MECOM: variants seen among roughly 807,000 people sequenced by gnomAD.
The protein encoded by MECOM is histone-lysine N-methyltransferase MECOM.
Under a neutral mutation model 116.3 loss-of-function variants are expected in MECOM, and 13 were observed. The observed-to-expected ratio is 0.11, with a 90% CI of 0.07 to 0.18. The LOEUF (loss-of-function observed/expected upper bound fraction) is 0.18, where lower values mean the gene tolerates loss of function less well. Among genes scored for constraint, MECOM ranks in the 10% least tolerant of loss-of-function variants. The pLI, the probability that MECOM is intolerant of heterozygous loss-of-function variation, is 1.00. For missense variants in MECOM, 1,299 were observed against 1,509.0 expected (o/e 0.86, Z 2.31); for synonymous variants, 528 against 535.2 (o/e 0.99, Z 0.19).
chr3:169,150,640 G>GA (rs1741033165), intron 2 of MECOM, among the ~76,000 whole-genome samples: 1 of 151,904 alleles, frequency 6.6e-6, no homozygotes, highest in East Asian at 1.9e-4. Flanking sequence ...TTCGGGGAAA[G>GA]AAAAAAATGG....
At position 169,084,881 on chromosome 3, in the gene MECOM, G is replaced by A. The variant is rs747215205; in HGVS notation, c.*28C>T. 1 of 1,613,554 alleles carries A rather than the reference G, an allele frequency of 6.2e-7. No homozygotes were observed. Among genetic ancestry groups the A allele is most frequent in the Non-Finnish European group, 8.5e-7 (1 of 1,179,716 alleles). Reference sequence around the variant, plus strand: ...AAAGAGCCATGCTACTGTTGGACTTGGTCCCACTCTGGTCAACCTTGATAA... The same window carrying A: ...AAAGAGCCATGCTACTGTTGGACTTAGTCCCACTCTGGTCAACCTTGATAA... On this transcript the variant is annotated 3_prime_UTR_variant, in exon 17 of 17. Transcript: ENST00000651503.
intron 2 of MECOM, among the ~76,000 whole-genome samples, chr3:169,350,737 T>A (rs765911250): frequency 6.6e-6 from 1 of 151,922 alleles, no homozygotes; most frequent in East Asian, 1.9e-4. Flanking sequence ...CAATTACTTA[T>A]GTGACTCATG....
intron 1 of MECOM, among the ~76,000 whole-genome samples, chr3:169,599,791 GTTGA>G (rs1767608331): frequency 6.6e-6 from 1 of 152,142 alleles, no homozygotes; most frequent in African/African-American, 2.4e-5. Context: ...TGATAAATAT[GTTGA>G]TTAATTCCCT....
chr3:169,509,348 T>C (rs1283801089), intron 1 of MECOM, among the ~76,000 whole-genome samples: 1 of 152,202 alleles, frequency 6.6e-6, no homozygotes, highest in Admixed American at 6.5e-5. Context: ...GTAAAACATA[T>C]ATAAGATAAA....
At chr3:169,366,046 C>A (rs941206639) in intron 2 of MECOM, among the ~76,000 whole-genome samples, 3 of 152,124 alleles carry the variant, frequency 2.0e-5, no homozygotes, top group Admixed American at 1.3e-4. Flanking sequence ...AGACTGACAG[C>A]AATTGCGTTC....
At chr3:169,149,754 A>G in intron 2 of MECOM, 1 of 448,094 alleles carries the variant, frequency 2.2e-6, no homozygotes, top group Non-Finnish European at 4.5e-6. Flanking sequence ...TGGAAGATGT[A>G]CCTAGAAGAA....
intron 1 of MECOM, among the ~76,000 whole-genome samples, chr3:169,431,991 G>A (rs1390098374): frequency 6.6e-6 from 1 of 151,140 alleles, no homozygotes; most frequent in East Asian, 1.9e-4. Flanking sequence ...TTGGGGTGAG[G>A]TTTTTCACCT....
intron 1 of MECOM, among the ~76,000 whole-genome samples, chr3:169,430,913 A>G (rs1741512941): frequency 6.6e-6 from 1 of 152,222 alleles, no homozygotes; most frequent in Admixed American, 6.5e-5. Context: ...CTATTTAGAC[A>G]TCCAAGCAAA....
intron 1 of MECOM, among the ~76,000 whole-genome samples, chr3:169,424,082 C>T (rs1740228588): frequency 6.6e-6 from 1 of 152,058 alleles, no homozygotes; most frequent in African/African-American, 2.4e-5. Flanking sequence ...TTAAAGTTTC[C>T]ATTAAGCCCA....
At chr3:169,628,048 G>C (rs1227039071) in intron 1 of MECOM, among the ~76,000 whole-genome samples, 1 of 152,106 alleles carries the variant, frequency 6.6e-6, no homozygotes, top group Non-Finnish European at 1.5e-5. Flanking sequence ...ACATACCAAA[G>C]AGCACCCCCA....
chr3:169,175,458 A>C (rs979534368), intron 2 of MECOM, among the ~76,000 whole-genome samples: 6 of 152,176 alleles, frequency 3.9e-5, no homozygotes, highest in Admixed American at 3.3e-4. Flanking sequence ...TTATGTGCAT[A>C]AGGTATATAT....
intron 1 of MECOM, among the ~76,000 whole-genome samples, chr3:169,393,516 G>A (rs1232690096): frequency 6.6e-6 from 1 of 152,104 alleles, no homozygotes; most frequent in African/African-American, 2.4e-5. Flanking sequence ...TCATCAAGGT[G>A]CTTTGTAAAA....
At chr3:169,324,046 C>T (rs1017615574) in intron 2 of MECOM, among the ~76,000 whole-genome samples, 3 of 152,196 alleles carry the variant, frequency 2.0e-5, no homozygotes, top group African/African-American at 4.8e-5. Context: ...GTATTTCTTT[C>T]CTCCATGGCT....
At chr3:169,277,426 A>C (rs952486749) in intron 2 of MECOM, among the ~76,000 whole-genome samples, 34 of 152,212 alleles carry the variant, frequency 2.2e-4, no homozygotes, top group Admixed American at 3.9e-4. Context: ...TCTATGCAGA[A>C]GTTTTTTTCA....
At chr3:169,170,045 A>C (rs1438967471) in intron 2 of MECOM, among the ~76,000 whole-genome samples, 1 of 151,654 alleles carries the variant, frequency 6.6e-6, no homozygotes, top group Non-Finnish European at 1.5e-5. Flanking sequence ...TGATCAAACC[A>C]CTCTATTTTT....
rs144890863 is a variant in MECOM, at chr3:169,496,477, G to A, written c.38-114953C>T. Among the ~76,000 whole-genome samples, 35 of 152,114 alleles carry A rather than the reference G, an allele frequency of 2.3e-4. 1 individual carries two copies. Among genetic ancestry groups the A allele is most frequent in the South Asian group, 2.3e-3 (11 of 4,818 alleles). The stretch of plus-strand genomic sequence containing the variant: ...TACCTCATTTGAGATCAAGTGAATC[G>A]TCAAACTAATGTGTTTTTTCAGGAA... On this transcript the variant is annotated intron_variant, in intron 1 of 16. Transcript: ENST00000651503.
intron 2 of MECOM, among the ~76,000 whole-genome samples, chr3:169,342,881 C>T (rs1724770919): frequency 1.3e-5 from 2 of 152,128 alleles, no homozygotes; most frequent in South Asian, 2.1e-4. Flanking sequence ...AGTGGGGATT[C>T]GTCCAGCCAG....
At chr3:169,444,089 C>T (rs1404684565) in intron 1 of MECOM, among the ~76,000 whole-genome samples, 1 of 152,132 alleles carries the variant, frequency 6.6e-6, no homozygotes, top group Non-Finnish European at 1.5e-5. Flanking sequence ...TATCCTTTGC[C>T]CTGTCTTTCC....
Position 169,516,119 on chromosome 3 carries a change from T to G in MECOM, c.38-134595A>C, listed in dbSNP as rs1012008447. The stretch of plus-strand genomic sequence containing the variant: ...TCGAAACCTTGACAATATGGTCATT[T>G]GAGCACTGAATTTAATGTTCAACTT... On this transcript the variant is annotated intron_variant, in intron 1 of 16. Coordinates refer to ENST00000651503, the MANE Select transcript of MECOM (RefSeq NM_004991.4). Among the ~76,000 whole-genome samples the G allele has an allele frequency of 3.9e-5, 6 of 152,338 alleles. No homozygotes were observed. In the East Asian group the frequency reaches 9.6e-4, roughly 24 times the overall value.
Sources: allele counts gnomAD v4.1 joint callset (sites outside exome capture counted in the v4.1 genomes callset), GRCh38; gene constraint gnomAD v4.1.1; transcripts MANE v1.5; gene names NCBI Gene and HGNC (gene_info 2026-07-23, HGNC 2026-07-21).